The following KDM4C variants were observed in gnomAD, a reference collection of about 807,000 sequenced individuals.
The protein encoded by KDM4C is lysine-specific demethylase 4C.
In KDM4C, 81 loss-of-function variants were observed where a neutral mutation model predicts 129.3. The observed-to-expected ratio is 0.63, with a 90% CI of 0.52 to 0.75. The LOEUF is 0.75. Ranked by LOEUF, KDM4C falls within the 30% of genes least tolerant of loss-of-function variation. KDM4C has a pLI of 0.00. For missense variants in KDM4C, 1,457 were observed against 1,304.0 expected (o/e 1.12, Z -1.81); for synonymous variants, 573 against 456.1 (o/e 1.26, Z -3.26).
intron 5 of KDM4C, among the ~76,000 whole-genome samples, chr9:6,852,376 C>G (rs940551785): frequency 2.6e-5 from 4 of 152,180 alleles, no homozygotes; most frequent in African/African-American, 9.7e-5. Flanking sequence ...GGGCAAATAA[C>G]TCTGCTTGTC....
At chr9:7,091,409 C>G (rs1317213464) in intron 17 of KDM4C, among the ~76,000 whole-genome samples, 2 of 151,694 alleles carry the variant, frequency 1.3e-5, no homozygotes, top group East Asian at 1.9e-4. Context: ...AATTTTTTTT[C>G]ACTAAAACAC....
intron 1 of KDM4C, among the ~76,000 whole-genome samples, chr9:6,780,981 C>T (rs1588217096): frequency 3.9e-5 from 6 of 152,068 alleles, no homozygotes; most frequent in Admixed American, 3.9e-4. Context: ...TTCTACTTTT[C>T]TCTGCTGATC....
intron 1 of KDM4C, among the ~76,000 whole-genome samples, chr9:6,792,038 A>G (rs1475598961): frequency 1.3e-5 from 2 of 151,080 alleles, no homozygotes; most frequent in Non-Finnish European, 2.9e-5. Context: ...GAAAAAGAGA[A>G]AAGGAAAATT....
chr9:6,860,936 T>G (rs180840291), intron 5 of KDM4C, among the ~76,000 whole-genome samples: 25 of 152,256 alleles, frequency 1.6e-4, no homozygotes, highest in African/African-American at 4.8e-4. Context: ...AATGAAAAAC[T>G]GAGGATATTT....
chr9:6,880,218 A>G (rs1563749759), intron 6 of KDM4C, among the ~76,000 whole-genome samples, 157 bp downstream of exon 6: 1 of 151,700 alleles, frequency 6.6e-6, no homozygotes, highest in East Asian at 1.9e-4. Flanking sequence ...TAATTGAACA[A>G]TTTTAAATTT....
rs568511171 is a variant in KDM4C, at chr9:7,171,827, G to A, written c.2994+1937G>A. 8.6e-5 allele frequency among the ~76,000 whole-genome samples: 13 copies of A among 151,214 alleles called. No homozygotes were observed. In the South Asian group the frequency reaches 2.5e-3, roughly 29 times the overall value. On this transcript the variant is annotated intron_variant, in intron 21 of 21. Coordinates refer to ENST00000381309, the MANE Select transcript of KDM4C (RefSeq NM_015061.6). ...ACATTCAATTTTTTTTTTATTCTCT[G>A]AAAAAATTTTTAATTAAAAAAAAAG...
intron 18 of KDM4C, among the ~76,000 whole-genome samples, chr9:7,109,127 C>T (rs1315112490): frequency 3.9e-5 from 6 of 152,184 alleles, no homozygotes; most frequent in Non-Finnish European, 8.8e-5. Context: ...CCCCCTGGGT[C>T]CTGTTTCCCT....
intron 4 of KDM4C, chr9:6,834,622 C>T (rs79123898): frequency 0.015 from 11,591 of 764,256 alleles, 119 homozygotes; most frequent in Non-Finnish European, 0.019. Flanking sequence ...ATGTGGGCGA[C>T]GAGGCCTAGA....
chr9:6,806,712 C>A (rs115943519), intron 3 of KDM4C, among the ~76,000 whole-genome samples: 54 of 152,108 alleles, frequency 3.6e-4, no homozygotes, highest in African/African-American at 1.3e-3. Flanking sequence ...CCTTTCATGG[C>A]TTTTGATGGG....
chr9:6,943,869 T>C (rs1826403717), intron 8 of KDM4C, among the ~76,000 whole-genome samples: 1 of 152,176 alleles, frequency 6.6e-6, no homozygotes, highest in Admixed American at 6.5e-5. Flanking sequence ...AATCTTTTTT[T>C]ACAGGGTCCC....
intron 5 of KDM4C, among the ~76,000 whole-genome samples, chr9:6,876,961 G>C (rs1843660082): frequency 1.3e-5 from 2 of 152,162 alleles, no homozygotes; most frequent in Non-Finnish European, 2.9e-5. Context: ...GGACCAAGCA[G>C]AGGTTCTTAG....
chr9:6,835,340 C>T (rs1588596242), intron 4 of KDM4C: 3 of 987,866 alleles, frequency 3.0e-6, no homozygotes, highest in Non-Finnish European at 4.9e-6. Context: ...TACGCCAACA[C>T]ATTGCTGTCT....
chr9:6,973,995 T>C (rs926895283), intron 8 of KDM4C: 1 of 152,250 alleles, frequency 6.6e-6, no homozygotes, highest in African/African-American at 2.4e-5. Flanking sequence ...ATTATGTTCC[T>C]GTGTACTCAG....
At chr9:6,888,651 A>G (rs1845641150) in intron 7 of KDM4C, among the ~76,000 whole-genome samples, 1 of 152,200 alleles carries the variant, frequency 6.6e-6, no homozygotes, top group African/African-American at 2.4e-5. Flanking sequence ...GAGCTCAAAC[A>G]TTTTTATGTG....
intron 8 of KDM4C, among the ~76,000 whole-genome samples, chr9:6,961,509 G>A (rs565361257): frequency 1.3e-5 from 2 of 152,154 alleles, no homozygotes; most frequent in Non-Finnish European, 2.9e-5. Context: ...TGTAAAGAAG[G>A]TAACATTGTA....
At chr9:6,874,818 G>A (rs1312740434) in intron 5 of KDM4C, among the ~76,000 whole-genome samples, 3 of 152,070 alleles carry the variant, frequency 2.0e-5, no homozygotes, top group African/African-American at 7.2e-5. Flanking sequence ...TGGCACAGTG[G>A]CCTGTGGTGG....
At chr9:7,057,494 C>G (rs1387787325) in intron 17 of KDM4C, among the ~76,000 whole-genome samples, 1 of 152,208 alleles carries the variant, frequency 6.6e-6, no homozygotes, top group Non-Finnish European at 1.5e-5. Flanking sequence ...GCAACCTTGG[C>G]TATGCAGATT....
chr9:6,813,385 T>G (rs1318736561), intron 3 of KDM4C, among the ~76,000 whole-genome samples: 1 of 152,160 alleles, frequency 6.6e-6, no homozygotes, highest in Non-Finnish European at 1.5e-5. Context: ...CTGGGTAAAT[T>G]CAAATTGTTC....
At chr9:6,973,376 A>C (rs571398860) in intron 8 of KDM4C, among the ~76,000 whole-genome samples, 1 of 152,212 alleles carries the variant, frequency 6.6e-6, no homozygotes, top group East Asian at 1.9e-4. Flanking sequence ...AGAAAATCAA[A>C]TAGACTAAAA....
Sources: gnomAD v4.1 joint callset for allele counts (sites outside exome capture counted in the v4.1 genomes callset) on GRCh38, gnomAD v4.1.1 for gene constraint, MANE v1.5 for transcripts, NCBI Gene and HGNC (gene_info 2026-07-23, HGNC 2026-07-21) for gene names.